SPIDR: variants seen among roughly 807,000 people sequenced by gnomAD.
SPIDR encodes DNA repair-scaffolding protein.
A neutral mutation model predicts 104.6 loss-of-function variants in SPIDR; 93 were observed. The observed-to-expected ratio is 0.89, with a 90% confidence interval of 0.75 to 1.06. The LOEUF (loss-of-function observed/expected upper bound fraction) is 1.06, where lower values mean the gene tolerates loss of function less well. SPIDR is among the 50% of genes least tolerant of loss of function. The probability of loss-of-function intolerance (pLI) is 0.00; values close to 1 mark genes in which losing one functional copy is unlikely to be tolerated. For missense variants in SPIDR, 1,154 were observed against 1,111.2 expected (o/e 1.04, Z -0.55); for synonymous variants, 431 against 416.9 (o/e 1.03, Z -0.41).
chr8:47,518,922 A>G (rs145101018), intron 8 of SPIDR, among the ~76,000 whole-genome samples: 32 of 152,340 alleles, frequency 2.1e-4, no homozygotes, highest in Admixed American at 2.0e-3. Flanking sequence ...GGCGTGATCC[A>G]CCGTGCCTGG....
intron 8 of SPIDR, among the ~76,000 whole-genome samples, chr8:47,578,691 A>G: frequency 1.3e-5 from 2 of 152,312 alleles, no homozygotes; most frequent in Middle Eastern, 3.4e-3. Flanking sequence ...TAAATTAGAA[A>G]AAAATGCATT....
At chr8:47,305,037 A>G (rs974589693) in intron 5 of SPIDR, among the ~76,000 whole-genome samples, 31 of 152,336 alleles carry the variant, frequency 2.0e-4, no homozygotes, top group Middle Eastern at 6.8e-3. Flanking sequence ...TGATATTGGA[A>G]TTTTCAGCCT....
intron 16 of SPIDR, 111 bp downstream of exon 16, chr8:47,713,752 G>T: frequency 7.2e-7 from 1 of 1,379,654 alleles, no homozygotes; most frequent in Non-Finnish European, 9.8e-7. Context: ...CTAAGTTCCA[G>T]ACACTGGATA....
At chr8:47,381,885 A>G (rs1274370020) in intron 5 of SPIDR, among the ~76,000 whole-genome samples, 1 of 152,244 alleles carries the variant, frequency 6.6e-6, no homozygotes, top group Non-Finnish European at 1.5e-5. Context: ...ATGATTGGTT[A>G]TCTCAAATAA....
chr8:47,622,999 C>T lies in SPIDR; in HGVS notation c.1544+23803C>T, dbSNP rs2065392281. 2.0e-5 allele frequency among the ~76,000 whole-genome samples: 3 copies of T among 152,110 alleles called. No homozygotes were observed. The South Asian group carries it at 6.2e-4, about 32-fold the overall frequency. ...ACAGCAGTCTCAGTATCCGCTACGC[C>T]CTAGTCTGTCCATCTGTGAGATGAA... On this transcript the variant is annotated intron_variant, in intron 10 of 19. Coordinates refer to ENST00000297423, the MANE Select transcript of SPIDR (RefSeq NM_001080394.4).
At chr8:47,642,608 T>C (rs2154447827) in intron 10 of SPIDR, among the ~76,000 whole-genome samples, 1 of 152,158 alleles carries the variant, frequency 6.6e-6, no homozygotes, top group Middle Eastern at 3.4e-3. Flanking sequence ...GAGGAAACTT[T>C]AGGGAAGGTT....
At position 47,725,959 on chromosome 8, in the gene SPIDR, C is replaced by A. The variant is rs1314323717; in HGVS notation, c.2342-1241C>A. On this transcript the variant is annotated intron_variant, in intron 16 of 19. Coordinates refer to ENST00000297423, the MANE Select transcript of SPIDR (RefSeq NM_001080394.4). ...AGTCATTTACCAAACATCAGTAAAC[C>A]AGTGAGTGGGCCTTTGGTGGGCCTG... 2.0e-5 allele frequency among the ~76,000 whole-genome samples: 3 copies of A among 152,360 alleles called. No individual in the cohort carries two copies. In the East Asian group the frequency reaches 5.8e-4, roughly 29 times the overall value.
chr8:47,331,320 G>A (rs1431121333), intron 5 of SPIDR, among the ~76,000 whole-genome samples: 11 of 152,058 alleles, frequency 7.2e-5, no homozygotes, highest in South Asian at 2.1e-4. Context: ...GTCCTTGTGC[G>A]AACATCATAG....
At chr8:47,294,092 A>G in intron 5 of SPIDR, 62 bp downstream of exon 5, 1 of 1,153,474 alleles carries the variant, frequency 8.7e-7, no homozygotes, top group Non-Finnish European at 1.2e-6. Flanking sequence ...CATAGTTGTC[A>G]TTTTTTTTTT....
intron 1 of SPIDR, among the ~76,000 whole-genome samples, chr8:47,269,556 A>G (rs1243868528): frequency 4.0e-5 from 6 of 150,796 alleles, no homozygotes; most frequent in Non-Finnish European, 8.9e-5. Flanking sequence ...ACACCTGGCC[A>G]ACCATGTCTC....
intron 8 of SPIDR, among the ~76,000 whole-genome samples, chr8:47,453,329 C>G (rs556681237): frequency 6.6e-6 from 1 of 152,302 alleles, no homozygotes; most frequent in African/African-American, 2.4e-5. Context: ...CCTCATCGAG[C>G]TATGAATGAC....
At chr8:47,454,566 A>G (rs1554708581) in intron 8 of SPIDR, among the ~76,000 whole-genome samples, 1 of 152,138 alleles carries the variant, frequency 6.6e-6, no homozygotes, top group African/African-American at 2.4e-5. Context: ...GCACACCAAC[A>G]TGGCACATGT....
intron 5 of SPIDR, among the ~76,000 whole-genome samples, chr8:47,378,221 T>C (rs2154298814): frequency 6.6e-6 from 1 of 152,306 alleles, no homozygotes; most frequent in East Asian, 1.9e-4. Context: ...TTTTCAGAGA[T>C]GACTTATGTC....
At chr8:47,571,359 T>G (rs1246235976) in intron 8 of SPIDR, among the ~76,000 whole-genome samples, 2 of 152,208 alleles carry the variant, frequency 1.3e-5, no homozygotes, top group Admixed American at 6.5e-5. Flanking sequence ...TCACACTCTA[T>G]ACGTACTTCA....
chr8:47,657,999 C>T (rs1300408090), intron 10 of SPIDR, among the ~76,000 whole-genome samples: 1 of 139,754 alleles, frequency 7.2e-6, no homozygotes, highest in East Asian at 2.1e-4. Context: ...CACTGCACAC[C>T]AGCCTGGGCA....
chr8:47,418,138 A>AT (rs1259541487), intron 7 of SPIDR, among the ~76,000 whole-genome samples: 3 of 152,052 alleles, frequency 2.0e-5, no homozygotes, highest in African/African-American at 7.2e-5. Flanking sequence ...ACTTTAAAGT[A>AT]TTTTTTTCCA....
At chr8:47,336,726 T>G (rs2049832905) in intron 5 of SPIDR, among the ~76,000 whole-genome samples, 1 of 152,254 alleles carries the variant, frequency 6.6e-6, no homozygotes, top group Non-Finnish European at 1.5e-5. Context: ...TCTATGTTTG[T>G]ATTAAAAAAC....
Position 47,702,081 on chromosome 8 carries a change from TCTCTCTCTCTCTCTCTTACACACACA to T in SPIDR, c.1977+68_1977+93del, listed in dbSNP as rs771935087. 5.8e-4 allele frequency: 219 copies of T among 377,538 alleles called. 1 individual carries two copies. The highest frequency in any genetic ancestry group is 1.0e-3 in the Middle Eastern group (1 of 974). 23.4% of individuals were successfully genotyped at this position (377,538 alleles called of 1,614,324 possible). A position where few individuals can be genotyped will look rare whatever the true frequency, so the allele number is the denominator to read the frequency against. ...CTCTCTCTCTCTCTCTCTCTCTCTCTCTCTCTCTCTCTCTCTTACACACACACACACACACACACACACACACACAC... is the reference window on the plus strand; with the variant it reads ...CTCTCTCTCTCTCTCTCTCTCTCTCTCACACACACACACACACACACACAC... On this transcript the variant is annotated intron_variant, in intron 14 of 19. Transcript: ENST00000297423.
chr8:47,643,780 C>T (rs771710463), intron 10 of SPIDR, among the ~76,000 whole-genome samples: 1 of 152,132 alleles, frequency 6.6e-6, no homozygotes, highest in South Asian at 2.1e-4. Context: ...TATTCAAAAG[C>T]TTTAATATAA....
Sources: allele counts gnomAD v4.1 joint callset (sites outside exome capture counted in the v4.1 genomes callset), GRCh38; gene constraint gnomAD v4.1.1; transcripts MANE v1.5; gene names NCBI Gene and HGNC (gene_info 2026-07-23, HGNC 2026-07-21).